Variants in CNTNAP2 observed in about 807,000 individuals in gnomAD.
The protein encoded by CNTNAP2 is contactin associated protein 2.
In CNTNAP2, 98 loss-of-function variants were observed where a neutral mutation model predicts 155.2. That is an observed-to-expected ratio of 0.63 (90% CI 0.54 to 0.75). The LOEUF is 0.75. CNTNAP2 is among the 30% of genes least tolerant of loss of function. The pLI, the probability that CNTNAP2 is intolerant of heterozygous loss-of-function variation, is 0.00. For synonymous variants in CNTNAP2, 651 were observed against 631.2 expected (o/e 1.03, Z -0.47); for missense variants, 1,727 against 1,688.1 (o/e 1.02, Z -0.40).
intron 11 of CNTNAP2, among the ~76,000 whole-genome samples, chr7:147,537,544 G>A (rs1169908434): frequency 1.3e-5 from 2 of 151,584 alleles, no homozygotes; most frequent in Non-Finnish European, 2.9e-5. Flanking sequence ...ACCTACAAAG[G>A]CCATCTCTGT....
At chr7:147,136,113 A>C (rs1033287731) in intron 8 of CNTNAP2, among the ~76,000 whole-genome samples, 5 of 151,852 alleles carry the variant, frequency 3.3e-5, no homozygotes, top group South Asian at 2.1e-4. Context: ...ATTTAGAACA[A>C]TACTCAGTTG....
At chr7:146,589,049 C>T (rs1798742079) in intron 1 of CNTNAP2, among the ~76,000 whole-genome samples, 1 of 152,146 alleles carries the variant, frequency 6.6e-6, no homozygotes, top group African/African-American at 2.4e-5. Context: ...CTTAGATAGC[C>T]ACAGAACATT....
At chr7:147,041,818 G>A (rs1799264470) in intron 3 of CNTNAP2, among the ~76,000 whole-genome samples, 1 of 152,160 alleles carries the variant, frequency 6.6e-6, no homozygotes, top group South Asian at 2.1e-4. Flanking sequence ...AGTTGAAATT[G>A]TTTGGTGGCT....
chr7:146,977,131 T>C (rs1381249444), intron 3 of CNTNAP2, among the ~76,000 whole-genome samples: 4 of 152,076 alleles, frequency 2.6e-5, no homozygotes, highest in African/African-American at 9.7e-5. Context: ...TGAAAATACA[T>C]ATATAAAAAA....
chr7:147,034,684 A>T (rs2129251506), intron 3 of CNTNAP2, among the ~76,000 whole-genome samples: 1 of 152,152 alleles, frequency 6.6e-6, no homozygotes, highest in Middle Eastern at 3.4e-3. Context: ...GGTCTCAGCG[A>T]GGTGGATGGG....
At chr7:146,551,917 T>C (rs802020) in intron 1 of CNTNAP2, among the ~76,000 whole-genome samples, 5,290 of 152,208 alleles carry the variant, frequency 0.035, 325 homozygotes, top group African/African-American at 0.12. Context: ...GCTCATATGA[T>C]GTAATCATTT....
intron 13 of CNTNAP2, among the ~76,000 whole-genome samples, chr7:147,775,593 T>TC (rs879286041): frequency 0.013 from 1,954 of 150,838 alleles, 101 homozygotes; most frequent in Admixed American, 0.088. Context: ...ATCAGAAAAG[T>TC]CAAAAAGAGT....
intron 3 of CNTNAP2, among the ~76,000 whole-genome samples, chr7:147,014,522 G>T (rs1258667486): frequency 6.6e-6 from 1 of 152,062 alleles, no homozygotes; most frequent in East Asian, 1.9e-4. Context: ...TCAAAGTAGA[G>T]AACATAGCAT....
intron 11 of CNTNAP2, among the ~76,000 whole-genome samples, chr7:147,528,751 T>A (rs1484501288): frequency 6.6e-6 from 1 of 152,196 alleles, no homozygotes; most frequent in African/African-American, 2.4e-5. Flanking sequence ...AGAACAGGCA[T>A]CGGAGGAGAG....
At chr7:147,711,728 A>G (rs1011926954) in intron 13 of CNTNAP2, among the ~76,000 whole-genome samples, 1 of 152,186 alleles carries the variant, frequency 6.6e-6, no homozygotes, top group African/African-American at 2.4e-5. Context: ...TTCCATTTTT[A>G]ACACAGGATG....
chr7:148,120,897 A>G (rs1040149314), intron 16 of CNTNAP2, among the ~76,000 whole-genome samples: 5 of 152,134 alleles, frequency 3.3e-5, no homozygotes, highest in African/African-American at 1.2e-4. Flanking sequence ...AGCCTCATGG[A>G]GAGGGAGGCA....
intron 9 of CNTNAP2, among the ~76,000 whole-genome samples, chr7:147,307,710 T>C (rs1276622967): frequency 6.6e-6 from 1 of 152,212 alleles, no homozygotes. Flanking sequence ...GCTGAAATAG[T>C]AAATCTTTTT....
chr7:146,941,878 C>G (rs967694551), intron 3 of CNTNAP2, among the ~76,000 whole-genome samples: 25 of 151,644 alleles, frequency 1.6e-4, no homozygotes, highest in African/African-American at 5.3e-4. Context: ...ATTGGAACTT[C>G]CTTATATGTT....
intron 3 of CNTNAP2, among the ~76,000 whole-genome samples, chr7:146,926,006 C>G (rs1365344427): frequency 6.6e-6 from 1 of 152,024 alleles, no homozygotes; most frequent in Non-Finnish European, 1.5e-5. Context: ...GAAGACCAGC[C>G]GTTTCACTAT....
intron 11 of CNTNAP2, among the ~76,000 whole-genome samples, chr7:147,526,797 G>A (rs550574517): frequency 7.9e-5 from 12 of 152,156 alleles, no homozygotes; most frequent in Admixed American, 3.9e-4. Context: ...CTCTTCCACC[G>A]GTATGTCAAG....
chr7:147,483,482 A>G (rs909374063), intron 10 of CNTNAP2, among the ~76,000 whole-genome samples: 4 of 152,056 alleles, frequency 2.6e-5, no homozygotes, highest in Admixed American at 2.0e-4. Flanking sequence ...AATCTTTTCT[A>G]TCATCGAGAT....
intron 21 of CNTNAP2, among the ~76,000 whole-genome samples, chr7:148,329,680 A>G (rs1483324387): frequency 6.6e-5 from 10 of 152,236 alleles, no homozygotes; most frequent in Admixed American, 6.5e-4. Flanking sequence ...AATAGTCCCA[A>G]GGGTCAAAAA....
chr7:148,200,972 T>C (rs1477555054), intron 18 of CNTNAP2, among the ~76,000 whole-genome samples: 2 of 152,208 alleles, frequency 1.3e-5, no homozygotes, highest in Non-Finnish European at 2.9e-5. Context: ...AATGTGGAGT[T>C]ATCTTGGATT....
At chr7:146,621,369 AT>A (rs1447106107) in intron 1 of CNTNAP2, among the ~76,000 whole-genome samples, 5 of 152,082 alleles carry the variant, frequency 3.3e-5, no homozygotes, top group African/African-American at 1.2e-4. Context: ...GTTCATTGAG[AT>A]TTTCTTAGGT....
Sources: gnomAD v4.1 joint callset for allele counts (sites outside exome capture counted in the v4.1 genomes callset) on GRCh38, gnomAD v4.1.1 for gene constraint, MANE v1.5 for transcripts, NCBI Gene and HGNC (gene_info 2026-07-23, HGNC 2026-07-21) for gene names.